SIRPG: variants seen among roughly 807,000 people sequenced by gnomAD.
The protein encoded by SIRPG is signal-regulatory protein gamma.
A neutral mutation model predicts 35.7 loss-of-function variants in SIRPG; 38 were observed. The ratio of observed to expected loss-of-function variants is 1.06; its 90% confidence interval spans 0.82 to 1.40. SIRPG has a LOEUF of 1.40. SIRPG is among the 40% of genes most tolerant of loss of function. SIRPG has a pLI of 0.00. For synonymous variants in SIRPG, 215 were observed against 190.4 expected, an observed-to-expected ratio of 1.13 and a Z score of -1.06; for missense variants, 519 against 483.0, an observed-to-expected ratio of 1.07 and a Z score of -0.70.
In SIRPG at chr20:1,630,217, C is replaced by T; in HGVS notation, c.*2+5G>A. 6.4e-7 allele frequency: 1 copy of T among 1,557,064 alleles called. No homozygotes were observed. Among genetic ancestry groups the T allele is most frequent in the Non-Finnish European group, 8.7e-7 (1 of 1,147,994 alleles). ...CTTGGTCTGTCCTCCCTTCCTTGTA[C>T]TTACAGTCAGGTCTTCTGCTTCCAG... On this transcript the variant is annotated splice_donor_5th_base_variant and intron_variant, in intron 5 of 5. Coordinates refer to ENST00000303415, the MANE Select transcript of SIRPG (RefSeq NM_018556.4).
chr20:1,658,880 C>A (rs559494769), upstream of SIRPG, among the ~76,000 whole-genome samples: 14 of 152,272 alleles, frequency 9.2e-5, 1 homozygote, highest in South Asian at 2.7e-3. Flanking sequence ...ACTCTCGCTG[C>A]CACCCTGAAA....
At chr20:1,670,997 C>T in the SIRPG span, 1 of 367,750 alleles carries the variant, frequency 2.7e-6, no homozygotes. Context: ...ACCATCCTGG[C>T]TGTGCTGCAG....
At chr20:1,657,528 A>T in intron 1 of SIRPG, 114 bp downstream of exon 1, 3 of 1,019,618 alleles carry the variant, frequency 2.9e-6, no homozygotes, top group Middle Eastern at 4.1e-4. Flanking sequence ...GACAATGTCC[A>T]GTCCTTGACC....
chr20:1,639,604 G>A (rs1050380505), intron 2 of SIRPG, among the ~76,000 whole-genome samples: 4 of 152,092 alleles, frequency 2.6e-5, no homozygotes, highest in Non-Finnish European at 5.9e-5. Flanking sequence ...TTCTATTCCT[G>A]TGCAGAATCT....
chr20:1,640,307 T>C (rs1347425240), intron 2 of SIRPG, among the ~76,000 whole-genome samples: 1 of 152,322 alleles, frequency 6.6e-6, no homozygotes, highest in East Asian at 1.9e-4. Context: ...GTAGTTCTCC[T>C]TGAAGAGGTC....
At chr20:1,681,897 G>C in the SIRPG span, among the ~76,000 whole-genome samples, 29 of 152,202 alleles carry the variant, frequency 1.9e-4, no homozygotes, top group African/African-American at 6.7e-4. Flanking sequence ...AAGCTTGGAG[G>C]CTTCAATGGA....
chr20:1,668,279 TTTTC>T, the SIRPG span, among the ~76,000 whole-genome samples: 7 of 150,760 alleles, frequency 4.6e-5, no homozygotes, highest in African/African-American at 1.2e-4. Flanking sequence ...TCTTTCTTTC[TTTTC>T]TTTCTTTCTT....
At chr20:1,652,494 A>C (rs1281248075) in intron 1 of SIRPG, among the ~76,000 whole-genome samples, 2 of 152,248 alleles carry the variant, frequency 1.3e-5, no homozygotes, top group African/African-American at 2.4e-5. Context: ...GAAGGATTAT[A>C]AACCATGAAC....
chr20:1,645,645 C>T (rs1372524831), intron 2 of SIRPG, among the ~76,000 whole-genome samples: 2 of 152,166 alleles, frequency 1.3e-5, no homozygotes, highest in African/African-American at 2.4e-5. Context: ...TCTGTGATGT[C>T]GGTGTTATCA....
chr20:1,671,910 C>T, the SIRPG span, among the ~76,000 whole-genome samples: 1 of 152,232 alleles, frequency 6.6e-6, no homozygotes, highest in Non-Finnish European at 1.5e-5. Flanking sequence ...AGTAAACCCA[C>T]AACCGTCTGG....
At chr20:1,650,958 AT>A (rs2091936722) in intron 1 of SIRPG, among the ~76,000 whole-genome samples, 1 of 152,216 alleles carries the variant, frequency 6.6e-6, no homozygotes, top group Non-Finnish European at 1.5e-5. Flanking sequence ...GAGGGATGAT[AT>A]GTTCAAAATG....
At chr20:1,655,891 T>C (rs963344950) in intron 1 of SIRPG, among the ~76,000 whole-genome samples, 44 of 152,230 alleles carry the variant, frequency 2.9e-4, no homozygotes, top group African/African-American at 9.1e-4. Flanking sequence ...TCTGTGCATG[T>C]ACATGTACAT....
chr20:1,684,611 A>T, the SIRPG span, among the ~76,000 whole-genome samples: 1 of 152,212 alleles, frequency 6.6e-6, no homozygotes, highest in Non-Finnish European at 1.5e-5. Flanking sequence ...TCTGAGTGTC[A>T]CTTCTCTGAC....
intron 2 of SIRPG, chr20:1,646,118 T>G (rs2091895497): frequency 6.6e-6 from 1 of 152,204 alleles, no homozygotes; most frequent in South Asian, 2.1e-4. Flanking sequence ...CCTCCATGTG[T>G]CCCAGTGGGC....
chr20:1,669,900 C>T, the SIRPG span: 26 of 177,472 alleles, frequency 1.5e-4, no homozygotes, highest in African/African-American at 4.8e-4. Context: ...ATTTTAAAAT[C>T]GGGAGTAACC....
At chr20:1,669,672 T>A in the SIRPG span, among the ~76,000 whole-genome samples, 1 of 152,314 alleles carries the variant, frequency 6.6e-6, no homozygotes, top group Middle Eastern at 3.4e-3. Flanking sequence ...CAGGACTCCA[T>A]GAGCAGATGA....
chr20:1,630,652 C>A, intron 4 of SIRPG: 1 of 244,070 alleles, frequency 4.1e-6, no homozygotes, highest in Non-Finnish European at 7.9e-6. Flanking sequence ...AAACTGAGGC[C>A]CATGGATTTT....
At chr20:1,685,969 C>T in the SIRPG span, among the ~76,000 whole-genome samples, 1 of 152,200 alleles carries the variant, frequency 6.6e-6, no homozygotes, top group African/African-American at 2.4e-5. Flanking sequence ...AAGGCTCCTG[C>T]TCCTCAGTTT....
intron 2 of SIRPG, chr20:1,637,859 G>A (rs1047896696): frequency 1.1e-4 from 16 of 152,274 alleles, no homozygotes; most frequent in African/African-American, 3.9e-4. Context: ...AGAAAAATGA[G>A]GGTAGTTTCT....
Sources: allele counts gnomAD v4.1 joint callset (sites outside exome capture counted in the v4.1 genomes callset), GRCh38; gene constraint gnomAD v4.1.1; transcripts MANE v1.5; gene names NCBI Gene and HGNC (gene_info 2026-07-23, HGNC 2026-07-21).